The following SATB2 variants were observed in gnomAD, a reference collection of about 807,000 sequenced individuals.
SATB2 encodes the protein SATB homeobox 2.
In SATB2, 1 loss-of-function variant was observed where a neutral mutation model predicts 73.4. The observed-to-expected ratio is 0.01, with a 90% confidence interval of 0.00 to 0.06. The LOEUF (loss-of-function observed/expected upper bound fraction) is 0.06, where lower values mean the gene tolerates loss of function less well. Among genes scored for constraint, SATB2 ranks in the 10% least tolerant of loss-of-function variants. The probability of loss-of-function intolerance (pLI) is 1.00; values close to 1 mark genes in which losing one functional copy is unlikely to be tolerated. For missense variants in SATB2, 459 were observed against 945.8 expected (o/e 0.49, Z 6.75); for synonymous variants, 397 against 367.0 (o/e 1.08, Z -0.93).
chr2:199,338,817 T>A (rs1688415964), intron 7 of SATB2, among the ~76,000 whole-genome samples: 2 of 150,110 alleles, frequency 1.3e-5, no homozygotes, highest in Non-Finnish European at 3.0e-5. Context: ...CTCGGGAGGC[T>A]GAGGTGGGAG....
chr2:199,385,949 G>A (rs1689917833), intron 3 of SATB2, among the ~76,000 whole-genome samples: 1 of 152,088 alleles, frequency 6.6e-6, no homozygotes, highest in East Asian at 1.9e-4. Flanking sequence ...CTACCCTTTA[G>A]GGTTATCATG....
chr2:199,417,034 T>TCA (rs1448560964), intron 3 of SATB2, among the ~76,000 whole-genome samples: 134 of 71,016 alleles, frequency 1.9e-3, no homozygotes, highest in African/African-American at 4.7e-3. Flanking sequence ...AGACTCCGTC[T>TCA]CTCACACACA....
intron 10 of SATB2, among the ~76,000 whole-genome samples, chr2:199,285,602 T>C (rs1302699451): frequency 2.0e-5 from 3 of 152,032 alleles, no homozygotes; most frequent in East Asian, 3.9e-4. Context: ...AAAGTATCCA[T>C]GAAGTGATGA....
At chr2:199,436,835 T>C (rs1009239088) in intron 2 of SATB2, among the ~76,000 whole-genome samples, 8 of 149,444 alleles carry the variant, frequency 5.4e-5, no homozygotes, top group Non-Finnish European at 1.2e-4. Context: ...TAAAAATATA[T>C]GCCAAGAAAG....
intron 3 of SATB2, among the ~76,000 whole-genome samples, chr2:199,382,561 G>A (rs1160562704): frequency 6.6e-6 from 1 of 152,114 alleles, no homozygotes; most frequent in Non-Finnish European, 1.5e-5. Context: ...CTTGGGCTAC[G>A]TAGAACAGCA....
At chr2:199,385,265 G>T (rs1388602371) in intron 3 of SATB2, among the ~76,000 whole-genome samples, 2 of 152,114 alleles carry the variant, frequency 1.3e-5, no homozygotes, top group Non-Finnish European at 2.9e-5. Context: ...CTCCCAAGTA[G>T]TTGGGACTAC....
At chr2:199,448,136 T>C (rs961424188) in intron 2 of SATB2, among the ~76,000 whole-genome samples, 1 of 152,158 alleles carries the variant, frequency 6.6e-6, no homozygotes, top group African/African-American at 2.4e-5. Context: ...AAAAATAATA[T>C]TTCAAAAATG....
At chr2:199,389,635 C>T (rs1415610070) in intron 3 of SATB2, among the ~76,000 whole-genome samples, 1 of 152,120 alleles carries the variant, frequency 6.6e-6, no homozygotes, top group Non-Finnish European at 1.5e-5. Context: ...CACTGTTTCC[C>T]ATCCCCACAG....
chr2:199,395,665 CTA>C (rs1010059974), intron 3 of SATB2, among the ~76,000 whole-genome samples: 3 of 152,156 alleles, frequency 2.0e-5, no homozygotes, highest in African/African-American at 7.2e-5. Flanking sequence ...CCAATCACAT[CTA>C]TGTGACAGAT....
At chr2:199,372,428 A>G (rs1689477031) in intron 5 of SATB2, among the ~76,000 whole-genome samples, 1 of 152,196 alleles carries the variant, frequency 6.6e-6, no homozygotes, top group South Asian at 2.1e-4. Flanking sequence ...ATCTAAAAAT[A>G]GATTTTCTTT....
chr2:199,375,970 A>G (rs961976434), intron 5 of SATB2, among the ~76,000 whole-genome samples: 1 of 152,242 alleles, frequency 6.6e-6, no homozygotes, highest in African/African-American at 2.4e-5. Context: ...AGGCTGAACT[A>G]TAAAAACTGC....
chr2:199,310,484 T>G (rs765584016), intron 9 of SATB2, among the ~76,000 whole-genome samples: 8 of 152,192 alleles, frequency 5.3e-5, no homozygotes, highest in Non-Finnish European at 1.2e-4. Flanking sequence ...GAAGACAATT[T>G]TTTTTATCCA....
intron 7 of SATB2, among the ~76,000 whole-genome samples, chr2:199,332,685 T>C (rs1688222117): frequency 6.6e-6 from 1 of 152,162 alleles, no homozygotes; most frequent in Non-Finnish European, 1.5e-5. Flanking sequence ...TCTGAGTCTG[T>C]ACTTTCTGTG....
chr2:199,324,409 T>A (rs1470610158), intron 8 of SATB2, among the ~76,000 whole-genome samples: 1 of 152,160 alleles, frequency 6.6e-6, no homozygotes, highest in Admixed American at 6.6e-5. Flanking sequence ...AAGTCTCTCT[T>A]ATTCTTTATT....
intron 2 of SATB2, among the ~76,000 whole-genome samples, chr2:199,439,651 T>C (rs1041980635): frequency 3.9e-5 from 6 of 152,168 alleles, no homozygotes; most frequent in African/African-American, 1.2e-4. Context: ...TACCAGAAAA[T>C]CAAAACAACG....
chr2:199,431,539 A>G (rs1691501586), intron 3 of SATB2, among the ~76,000 whole-genome samples: 1 of 152,226 alleles, frequency 6.6e-6, no homozygotes, highest in Non-Finnish European at 1.5e-5. Flanking sequence ...TTTTAGCCTT[A>G]ATATTCAAAA....
intron 6 of SATB2, among the ~76,000 whole-genome samples, chr2:199,359,672 G>A (rs1189959505): frequency 6.6e-6 from 1 of 152,086 alleles, no homozygotes; most frequent in East Asian, 1.9e-4. Context: ...ATGCTCACAG[G>A]ACTCTGGGGA....
chr2:199,337,501 T>C (rs917834329), intron 7 of SATB2, among the ~76,000 whole-genome samples: 3 of 152,320 alleles, frequency 2.0e-5, no homozygotes, highest in Non-Finnish European at 4.4e-5. Flanking sequence ...AATAGCATTG[T>C]TCCATGAAGG....
chr2:199,277,912 T>C (rs12105045), intron 10 of SATB2, among the ~76,000 whole-genome samples: 17,642 of 152,226 alleles, frequency 0.12, 1,118 homozygotes, highest in South Asian at 0.19. Flanking sequence ...GCAGCAGAAC[T>C]GGGCTTGTCA....
Sources: allele counts gnomAD v4.1 joint callset (sites outside exome capture counted in the v4.1 genomes callset), GRCh38; gene constraint gnomAD v4.1.1; transcripts MANE v1.5; gene names NCBI Gene and HGNC (gene_info 2026-07-23, HGNC 2026-07-21).